ADGB: variants seen among roughly 807,000 people sequenced by gnomAD.
The protein encoded by ADGB is calpain-7-like protein.
In ADGB, 172 loss-of-function variants were observed where a neutral mutation model predicts 210.5. The ratio of observed to expected loss-of-function variants is 0.82; its 90% CI spans 0.72 to 0.93. The LOEUF (loss-of-function observed/expected upper bound fraction) is 0.93, where lower values mean the gene tolerates loss of function less well. Among genes scored for constraint, ADGB ranks in the 40% least tolerant of loss-of-function variants. The pLI is 0.00. For missense variants in ADGB, 2,025 were observed against 1,964.8 expected, an observed-to-expected ratio of 1.03 and a Z score of -0.58; for synonymous variants, 658 against 662.7, an observed-to-expected ratio of 0.99 and a Z score of 0.11.
At position 146,635,510 on chromosome 6, in the gene ADGB, G is replaced by A. The variant is rs1489714955; in HGVS notation, c.210G>A (p.Lys70=). 1.9e-6 allele frequency: 3 copies of A among 1,543,550 alleles called. No individual in the cohort carries two copies. The South Asian group carries it at 3.6e-5, about 19-fold the overall frequency. ...KWDAGKGAKE[K]DKTGKSPVFH... ...ATGCAGGCAAAGGTGCAAAAGAAAA[G>A]GACAAAACAGGAAAAAGCCCTGTAT... Residue 70 remains lysine, a synonymous_variant, in exon 2 of 36, where the codon AAG becomes AAA. Coordinates refer to ENST00000397944, the MANE Select transcript of ADGB (RefSeq NM_024694.4).
intron 13 of ADGB, among the ~76,000 whole-genome samples, chr6:146,715,073 G>C (rs9485115): frequency 0.077 from 11,753 of 152,066 alleles, 1,521 homozygotes; most frequent in African/African-American, 0.27. Context: ...CTTGTGCCAA[G>C]TAATATGTCT....
At chr6:146,727,853 C>T (rs2114579540) in intron 19 of ADGB, among the ~76,000 whole-genome samples, 1 of 152,322 alleles carries the variant, frequency 6.6e-6, no homozygotes, top group East Asian at 1.9e-4. Context: ...CATCTGCTTC[C>T]ATCAGTTTCT....
intron 13 of ADGB, among the ~76,000 whole-genome samples, chr6:146,707,604 T>G (rs572626575): frequency 1.3e-5 from 2 of 152,260 alleles, no homozygotes; most frequent in Non-Finnish European, 2.9e-5. Flanking sequence ...TTGTCTCTTT[T>G]TTACCGTTTT....
At chr6:146,714,848 T>C (rs1253795946) in intron 13 of ADGB, among the ~76,000 whole-genome samples, 1 of 152,202 alleles carries the variant, frequency 6.6e-6, no homozygotes, top group East Asian at 1.9e-4. Context: ...CCTGTATGAG[T>C]TTATACCATT....
chr6:146,600,934 A>AG (rs1562251923), intron 1 of ADGB, among the ~76,000 whole-genome samples: 1 of 133,370 alleles, frequency 7.5e-6, no homozygotes, highest in Admixed American at 7.0e-5. Context: ...GCGCACACAC[A>AG]CACACACACA....
chr6:146,646,515 G>A (rs1407212590), intron 3 of ADGB, among the ~76,000 whole-genome samples: 1 of 152,104 alleles, frequency 6.6e-6, no homozygotes, highest in Non-Finnish European at 1.5e-5. Context: ...TGAGCTATCA[G>A]CTGTTTAGGC....
At chr6:146,767,855 G>GTCAAGGAAC (rs1250399287) in intron 28 of ADGB, among the ~76,000 whole-genome samples, 3 of 152,238 alleles carry the variant, frequency 2.0e-5, no homozygotes, top group Non-Finnish European at 4.4e-5. Flanking sequence ...AACCCAGACA[G>GTCAAGGAAC]CTCTAGCTCA....
intron 35 of ADGB, among the ~76,000 whole-genome samples, chr6:146,804,460 T>A (rs1313432957): frequency 3.3e-5 from 5 of 151,948 alleles, no homozygotes; most frequent in Non-Finnish European, 7.4e-5. Flanking sequence ...TTGCCCTCCT[T>A]CCCATCTCAG....
intron 1 of ADGB, among the ~76,000 whole-genome samples, chr6:146,600,924 G>GCA (rs1491470582): frequency 0.039 from 1,838 of 47,544 alleles, 29 homozygotes; most frequent in East Asian, 0.14. Context: ...CCTCCCCCAT[G>GCA]CGCACACACA....
chr6:146,755,171 G>A (rs916954624), intron 27 of ADGB, among the ~76,000 whole-genome samples: 2 of 151,784 alleles, frequency 1.3e-5, no homozygotes, highest in Non-Finnish European at 2.9e-5. Context: ...TCTTCCTTTT[G>A]TTATTCTTCC....
intron 3 of ADGB, among the ~76,000 whole-genome samples, chr6:146,653,373 T>C (rs1020820318): frequency 1.3e-5 from 2 of 152,064 alleles, no homozygotes; most frequent in African/African-American, 4.8e-5. Flanking sequence ...CGTGGAAAAA[T>C]TGTCTTCCAT....
intron 2 of ADGB, among the ~76,000 whole-genome samples, chr6:146,643,580 G>A (rs1775551521): frequency 6.6e-6 from 1 of 151,708 alleles, no homozygotes; most frequent in Non-Finnish European, 1.5e-5. Context: ...TAGCATCTGA[G>A]AGTACGCATT....
chr6:146,655,013 AC>A (rs1446948646), intron 4 of ADGB, among the ~76,000 whole-genome samples: 2 of 151,916 alleles, frequency 1.3e-5, no homozygotes, highest in African/African-American at 4.8e-5. Context: ...TGTTTCTCAG[AC>A]TTTTGTATTT....
intron 29 of ADGB, chr6:146,770,644 G>A: frequency 4.3e-6 from 2 of 463,816 alleles, no homozygotes; most frequent in South Asian, 3.1e-5. Context: ...CTGGCCTGCT[G>A]TGTGGGCAAG....
At chr6:146,793,498 C>G (rs1029610360) in intron 33 of ADGB, among the ~76,000 whole-genome samples, 1 of 152,138 alleles carries the variant, frequency 6.6e-6, no homozygotes, top group Non-Finnish European at 1.5e-5. Flanking sequence ...CTAGGCCAGT[C>G]AAACAGCCAG....
intron 1 of ADGB, among the ~76,000 whole-genome samples, chr6:146,632,557 G>A (rs1042883198): frequency 9.9e-5 from 15 of 152,108 alleles, no homozygotes; most frequent in Non-Finnish European, 2.2e-4. Flanking sequence ...ACCACATTCA[G>A]TGACTGCTTT....
chr6:146,807,383 G>A, intron 35 of ADGB: 2 of 1,547,432 alleles, frequency 1.3e-6, no homozygotes, highest in Non-Finnish European at 1.7e-6. Context: ...TATTTGTTTG[G>A]GGTTTTGCTT....
At chr6:146,626,945 AT>A (rs1353859163) in intron 1 of ADGB, among the ~76,000 whole-genome samples, 5 of 151,740 alleles carry the variant, frequency 3.3e-5, no homozygotes, top group Non-Finnish European at 4.4e-5. Context: ...CTTATTTCCA[AT>A]TTTTTTATTT....
intron 27 of ADGB, among the ~76,000 whole-genome samples, chr6:146,755,634 C>T (rs1777395616): frequency 6.6e-6 from 1 of 151,926 alleles, no homozygotes. Context: ...ATTATCTAGT[C>T]GGGCAGTTAT....
Sources: allele counts gnomAD v4.1 joint callset (sites outside exome capture counted in the v4.1 genomes callset), GRCh38; gene constraint gnomAD v4.1.1; transcripts MANE v1.5; gene names NCBI Gene and HGNC (gene_info 2026-07-23, HGNC 2026-07-21).